Variants in SEZ6L observed in about 807,000 individuals in gnomAD.
SEZ6L encodes seizure 6-like protein.
Under a neutral mutation model 106.2 loss-of-function variants are expected in SEZ6L, and 37 were observed. That is an observed-to-expected ratio of 0.35 (90% CI 0.27 to 0.46). The LOEUF (loss-of-function observed/expected upper bound fraction) is 0.46, where lower values mean the gene tolerates loss of function less well. Among genes scored for constraint, SEZ6L ranks in the 20% least tolerant of loss-of-function variants. The pLI is 1.00. For synonymous variants in SEZ6L, 541 were observed against 570.4 expected (o/e 0.95, Z 0.73); for missense variants, 1,172 against 1,332.8 (o/e 0.88, Z 1.88).
chr22:26,377,519 G>A (rs1381867764), intron 15 of SEZ6L, among the ~76,000 whole-genome samples, 154 bp from the exon 16 acceptor site: 1 of 152,128 alleles, frequency 6.6e-6, no homozygotes, highest in Non-Finnish European at 1.5e-5. Context: ...CACCTCACTA[G>A]GATTCTCGCC....
intron 1 of SEZ6L, among the ~76,000 whole-genome samples, chr22:26,284,509 T>C (rs1001081399): frequency 1.3e-5 from 2 of 148,230 alleles, no homozygotes; most frequent in Non-Finnish European, 3.0e-5. Context: ...ATTCTGGAGA[T>C]TGAAATGGGA....
intron 1 of SEZ6L, among the ~76,000 whole-genome samples, chr22:26,181,495 C>G (rs1293605022): frequency 2.6e-5 from 4 of 152,128 alleles, no homozygotes; most frequent in Non-Finnish European, 5.9e-5. Flanking sequence ...AATGATATGC[C>G]AGGTTAATTT....
At chr22:26,175,625 A>G (rs150672409) in intron 1 of SEZ6L, among the ~76,000 whole-genome samples, 1,598 of 152,308 alleles carry the variant, frequency 0.01, 24 homozygotes, top group South Asian at 0.084. Flanking sequence ...AGTTGAGGAA[A>G]GGAGAAGACC....
intron 1 of SEZ6L, among the ~76,000 whole-genome samples, chr22:26,235,756 C>T (rs1186034603): frequency 2.6e-5 from 4 of 152,180 alleles, no homozygotes; most frequent in African/African-American, 9.7e-5. Flanking sequence ...ATACCTGGAG[C>T]ATGGATCTCC....
At chr22:26,362,821 G>A (rs2083678908) in intron 12 of SEZ6L, among the ~76,000 whole-genome samples, 1 of 152,186 alleles carries the variant, frequency 6.6e-6, no homozygotes, top group South Asian at 2.1e-4. Flanking sequence ...TCCCAGGGAA[G>A]ACTGCTATTG....
chr22:26,327,091 C>T (rs978538309), intron 9 of SEZ6L, among the ~76,000 whole-genome samples: 9 of 152,056 alleles, frequency 5.9e-5, no homozygotes, highest in African/African-American at 1.7e-4. Context: ...CAGGAAGCGG[C>T]GACCCCAGCC....
chr22:26,202,558 C>A (rs1941029275), intron 1 of SEZ6L, among the ~76,000 whole-genome samples: 1 of 152,240 alleles, frequency 6.6e-6, no homozygotes, highest in South Asian at 2.1e-4. Flanking sequence ...CTGTCAGGCA[C>A]AGAATCCTAA....
At chr22:26,283,200 G>A (rs566970333) in intron 1 of SEZ6L, among the ~76,000 whole-genome samples, 3 of 152,204 alleles carry the variant, frequency 2.0e-5, no homozygotes, top group East Asian at 1.9e-4. Context: ...GATTACAGGC[G>A]TGAGCCACTG....
rs1471651199 is a variant in SEZ6L, at chr22:26,251,734, T to A, written c.95-40672T>A. ...TATGGAAACTGCTCAGTGGTATTTG[T>A]GAAATGGAGGTGTCTCACCCCAGGC... is the stretch of plus-strand genomic sequence containing the variant. On this transcript the variant is annotated intron_variant, in intron 1 of 16. Transcript: ENST00000248933. 2.0e-5 allele frequency among the ~76,000 whole-genome samples: 3 copies of A among 152,184 alleles called. No homozygotes were observed. In the East Asian group the frequency reaches 5.8e-4, roughly 29 times the overall value.
intron 1 of SEZ6L, among the ~76,000 whole-genome samples, chr22:26,185,015 C>T (rs1939676575): frequency 6.6e-6 from 1 of 152,212 alleles, no homozygotes; most frequent in African/African-American, 2.4e-5. Context: ...ACCCAGGTGG[C>T]AGAGGCTGCA....
chr22:26,182,327 T>C (rs1271849340), intron 1 of SEZ6L, among the ~76,000 whole-genome samples: 1 of 152,234 alleles, frequency 6.6e-6, no homozygotes, highest in East Asian at 1.9e-4. Context: ...TGGTGTATGA[T>C]GGTGCTTAAG....
intron 1 of SEZ6L, among the ~76,000 whole-genome samples, chr22:26,239,835 A>C (rs2079059201): frequency 6.6e-6 from 1 of 152,042 alleles, no homozygotes; most frequent in Non-Finnish European, 1.5e-5. Flanking sequence ...TGCTGCATGC[A>C]GGCCCAAGCA....
intron 1 of SEZ6L, among the ~76,000 whole-genome samples, chr22:26,264,459 A>G (rs2080113487): frequency 6.6e-6 from 1 of 152,224 alleles, no homozygotes. Context: ...CCAGAATTTA[A>G]TGCCAAAATG....
At chr22:26,257,533 A>G (rs1288114697) in intron 1 of SEZ6L, among the ~76,000 whole-genome samples, 1 of 152,234 alleles carries the variant, frequency 6.6e-6, no homozygotes. Context: ...GACCAGATGG[A>G]CAATTCCTGC....
chr22:26,170,371 G>C (rs1322731814), intron 1 of SEZ6L, among the ~76,000 whole-genome samples: 1 of 152,132 alleles, frequency 6.6e-6, no homozygotes, highest in East Asian at 1.9e-4. Context: ...AGGGCTCTGA[G>C]AACTTGGTAG....
chr22:26,246,361 A>G (rs766404988), intron 1 of SEZ6L, among the ~76,000 whole-genome samples: 1 of 152,214 alleles, frequency 6.6e-6, no homozygotes, highest in Admixed American at 6.5e-5. Flanking sequence ...TTTGGCATGT[A>G]ATAGACACTC....
At chr22:26,186,352 G>A (rs797021251) in intron 1 of SEZ6L, among the ~76,000 whole-genome samples, 4 of 152,310 alleles carry the variant, frequency 2.6e-5, no homozygotes, top group African/African-American at 9.6e-5. Context: ...TGTTATACTT[G>A]TTAGAGCATA....
At chr22:26,304,427 A>AGAAAGAAAGAAG (rs1569454526) in intron 5 of SEZ6L, among the ~76,000 whole-genome samples, 1 of 151,446 alleles carries the variant, frequency 6.6e-6, no homozygotes, top group Non-Finnish European at 1.5e-5. Flanking sequence ...AAAGAAAGAA[A>AGAAAGAAAGAAG]GAAAAAGAAA....
intron 9 of SEZ6L, among the ~76,000 whole-genome samples, chr22:26,338,521 C>A (rs1162196030): frequency 1.3e-5 from 2 of 152,022 alleles, no homozygotes; most frequent in African/African-American, 4.8e-5. Flanking sequence ...CCTCAGCCTC[C>A]TGAGAAGCTA....
Sources: allele counts gnomAD v4.1 joint callset (sites outside exome capture counted in the v4.1 genomes callset), GRCh38; gene constraint gnomAD v4.1.1; transcripts MANE v1.5; gene names NCBI Gene and HGNC (gene_info 2026-07-23, HGNC 2026-07-21).